CDH18: variants seen among roughly 807,000 people sequenced by gnomAD.
CDH18 encodes the protein cadherin-18.
A neutral mutation model predicts 67.9 loss-of-function variants in CDH18; 31 were observed. The observed-to-expected ratio is 0.46, with a 90% CI of 0.34 to 0.62. The LOEUF (loss-of-function observed/expected upper bound fraction) is 0.62. CDH18 is among the 20% of genes least tolerant of loss of function. The pLI is 0.01. For synonymous variants in CDH18, 362 were observed against 347.2 expected (o/e 1.04, Z -0.48); for missense variants, 890 against 975.5 (o/e 0.91, Z 1.17).
At chr5:19,720,882 A>C (rs968350191) in intron 5 of CDH18, among the ~76,000 whole-genome samples, 1 of 152,174 alleles carries the variant, frequency 6.6e-6, no homozygotes, top group Admixed American at 6.6e-5. Context: ...AGTACAATAC[A>C]ATTTTATATA....
intron 1 of CDH18, among the ~76,000 whole-genome samples, chr5:20,299,849 A>T (rs1213747277): frequency 6.6e-6 from 1 of 151,858 alleles, no homozygotes; most frequent in Non-Finnish European, 1.5e-5. Flanking sequence ...CAAGAACCTT[A>T]GTTTTGCAAA....
At chr5:20,014,383 G>A (rs950470592) in intron 2 of CDH18, among the ~76,000 whole-genome samples, 1 of 151,970 alleles carries the variant, frequency 6.6e-6, no homozygotes. Flanking sequence ...TCCCAGAAAC[G>A]ACATCTAATG....
At chr5:20,482,924 C>T (rs1334215669) in intron 1 of CDH18, among the ~76,000 whole-genome samples, 2 of 151,962 alleles carry the variant, frequency 1.3e-5, no homozygotes, top group Non-Finnish European at 2.9e-5. Flanking sequence ...GCTGGAAGTC[C>T]TGCCTAGAGA....
intron 2 of CDH18, among the ~76,000 whole-genome samples, chr5:19,841,283 A>T (rs1697996587): frequency 6.6e-6 from 1 of 152,092 alleles, no homozygotes; most frequent in Non-Finnish European, 1.5e-5. Context: ...ACAACTTCAA[A>T]ACTCTCCTAA....
chr5:19,612,914 G>A (rs1218053895), intron 5 of CDH18, among the ~76,000 whole-genome samples: 1 of 152,022 alleles, frequency 6.6e-6, no homozygotes, highest in African/African-American at 2.4e-5. Context: ...GCCAAGGCGG[G>A]TGGATCACAA....
chr5:19,817,151 A>G (rs182098727), intron 3 of CDH18, among the ~76,000 whole-genome samples: 2 of 152,072 alleles, frequency 1.3e-5, no homozygotes, highest in East Asian at 3.9e-4. Flanking sequence ...CAAGAAATAT[A>G]AATTTAAAGT....
intron 7 of CDH18, among the ~76,000 whole-genome samples, chr5:19,574,930 T>G (rs1742072926): frequency 6.6e-6 from 1 of 152,088 alleles, no homozygotes; most frequent in East Asian, 1.9e-4. Flanking sequence ...TCCCAGCTAC[T>G]CGGGAGGCTG....
intron 2 of CDH18, among the ~76,000 whole-genome samples, chr5:19,843,132 C>T (rs1045635900): frequency 5.3e-5 from 8 of 152,194 alleles, no homozygotes; most frequent in African/African-American, 9.6e-5. Context: ...ATGTAATTCA[C>T]CAAGACAATG....
intron 2 of CDH18, among the ~76,000 whole-genome samples, chr5:19,901,003 C>G (rs1789887141): frequency 6.6e-6 from 1 of 152,040 alleles, no homozygotes; most frequent in African/African-American, 2.4e-5. Flanking sequence ...GCCTTGTGCC[C>G]TGCGAAATCT....
chr5:19,712,123 G>A (rs755435849), intron 5 of CDH18, among the ~76,000 whole-genome samples: 8 of 152,010 alleles, frequency 5.3e-5, no homozygotes, highest in Admixed American at 4.6e-4. Flanking sequence ...CATGGACATA[G>A]AGTGGGGAAT....
intron 2 of CDH18, among the ~76,000 whole-genome samples, chr5:20,198,890 C>T (rs879612614): frequency 2.6e-5 from 4 of 152,200 alleles, no homozygotes; most frequent in Non-Finnish European, 5.9e-5. Context: ...TCAGAGGGTA[C>T]AAGCCTCAAG....
intron 5 of CDH18, among the ~76,000 whole-genome samples, chr5:19,625,133 G>A (rs1751329439): frequency 6.6e-6 from 1 of 151,844 alleles, no homozygotes; most frequent in Admixed American, 6.6e-5. Flanking sequence ...TGGTTCTCAT[G>A]TTGCCACATC....
chr5:19,504,772 C>A (rs3805427), intron 10 of CDH18, among the ~76,000 whole-genome samples: 1 of 152,016 alleles, frequency 6.6e-6, no homozygotes, highest in Non-Finnish European at 1.5e-5. Context: ...CAGTGTGTGA[C>A]CCTATTTTCT....
At chr5:20,563,641 A>T (rs2033244) in intron 1 of CDH18, among the ~76,000 whole-genome samples, 41,891 of 151,960 alleles carry the variant, frequency 0.28, 7,279 homozygotes, top group African/African-American at 0.49. Context: ...GGTGTTCATG[A>T]GTTTGAGAAT....
intron 5 of CDH18, among the ~76,000 whole-genome samples, chr5:19,713,470 T>C (rs1316541942): frequency 6.6e-6 from 1 of 152,136 alleles, no homozygotes; most frequent in Non-Finnish European, 1.5e-5. Flanking sequence ...ATCTTAATTG[T>C]TTCATCTAGG....
intron 1 of CDH18, among the ~76,000 whole-genome samples, chr5:20,553,979 C>T (rs1470959185): frequency 6.6e-6 from 1 of 152,168 alleles, no homozygotes; most frequent in Non-Finnish European, 1.5e-5. Flanking sequence ...CTCTTACATA[C>T]CAGTCACCAT....
chr5:19,518,310 T>A (rs964555936), intron 10 of CDH18, among the ~76,000 whole-genome samples: 5 of 152,232 alleles, frequency 3.3e-5, no homozygotes, highest in African/African-American at 1.2e-4. Context: ...CATATCAGCC[T>A]GAGGCTATCA....
intron 2 of CDH18, among the ~76,000 whole-genome samples, chr5:19,943,898 T>C (rs1795062846): frequency 6.6e-6 from 1 of 152,042 alleles, no homozygotes; most frequent in Admixed American, 6.6e-5. Context: ...ATATAAGCAG[T>C]TTTTTTCTAA....
intron 2 of CDH18, among the ~76,000 whole-genome samples, chr5:20,187,199 G>A (rs1738168476): frequency 6.6e-6 from 1 of 151,732 alleles, no homozygotes; most frequent in African/African-American, 2.4e-5. Context: ...AATGAGTTCT[G>A]GTGATGGAGA....
Sources: gnomAD v4.1 joint callset for allele counts (sites outside exome capture counted in the v4.1 genomes callset) on GRCh38, gnomAD v4.1.1 for gene constraint, MANE v1.5 for transcripts, NCBI Gene and HGNC (gene_info 2026-07-23, HGNC 2026-07-21) for gene names.